The following LINGO2 variants were observed in gnomAD, a reference collection of about 807,000 sequenced individuals.
The protein encoded by LINGO2 is leucine-rich repeat and immunoglobulin-like domain-containing nogo receptor-interacting protein 2.
Under a neutral mutation model 30.6 loss-of-function variants are expected in LINGO2, and 14 were observed. The observed-to-expected ratio is 0.46, with a 90% confidence interval of 0.30 to 0.72. LINGO2 has a LOEUF of 0.72. LINGO2 is among the 30% of genes least tolerant of loss of function. LINGO2 has a pLI of 0.07. For missense variants in LINGO2, 729 were observed against 751.7 expected, an observed-to-expected ratio of 0.97 and a Z score of 0.35; for synonymous variants, 317 against 288.5, an observed-to-expected ratio of 1.10 and a Z score of -1.00.
intron 3 of LINGO2, among the ~76,000 whole-genome samples, chr9:28,299,303 T>C (rs1434836778): frequency 1.3e-5 from 2 of 152,126 alleles, no homozygotes; most frequent in East Asian, 1.9e-4. Context: ...AATATAATAA[T>C]CAAGAATGTA....
chr9:28,895,381 CA>C, the LINGO2 span, among the ~76,000 whole-genome samples: 1 of 152,078 alleles, frequency 6.6e-6, no homozygotes, highest in African/African-American at 2.4e-5. Context: ...CAAAAGATTG[CA>C]AAAACTGCAA....
At chr9:29,155,204 A>T in the LINGO2 span, among the ~76,000 whole-genome samples, 10 of 152,268 alleles carry the variant, frequency 6.6e-5, no homozygotes, top group Non-Finnish European at 1.3e-4. Flanking sequence ...TAAGGTTTTC[A>T]CATTGCTCTT....
the LINGO2 span, among the ~76,000 whole-genome samples, chr9:29,201,221 T>C: frequency 6.6e-6 from 1 of 152,142 alleles, no homozygotes; most frequent in African/African-American, 2.4e-5. Flanking sequence ...TTGTTTTGCA[T>C]AGATTTGCCT....
intron 4 of LINGO2, among the ~76,000 whole-genome samples, chr9:28,270,841 A>T (rs539998039): frequency 6.6e-6 from 1 of 152,210 alleles, no homozygotes; most frequent in African/African-American, 2.4e-5. Context: ...AAAACTCATG[A>T]GTTTCTTCTA....
intron 4 of LINGO2, among the ~76,000 whole-genome samples, chr9:28,096,388 A>T (rs1257495602): frequency 6.6e-6 from 1 of 152,118 alleles, no homozygotes; most frequent in East Asian, 1.9e-4. Context: ...TTTATGGTAA[A>T]TTTTAGCTTA....
Position 27,992,762 on chromosome 9 carries a change from T to C in LINGO2, c.-36+19593A>G, listed in dbSNP as rs183127967. 2.5e-3 allele frequency among the ~76,000 whole-genome samples: 387 copies of C among 151,910 alleles called. 1 individual carries two copies. The highest frequency in any genetic ancestry group is 8.9e-3 in the African/African-American group (368 of 41,342). On this transcript the variant is annotated intron_variant, in intron 5 of 5. Transcript: ENST00000379992. ...TCTCTTTTTTCCTTCTCTTTATTTTTGTAATAAATGAAAGTTTGGTGAGGG... is the reference window on the plus strand; with the variant it reads ...TCTCTTTTTTCCTTCTCTTTATTTTCGTAATAAATGAAAGTTTGGTGAGGG...
At chr9:28,577,421 C>T (rs575700284) in intron 1 of LINGO2, among the ~76,000 whole-genome samples, 1 of 152,074 alleles carries the variant, frequency 6.6e-6, no homozygotes, top group Non-Finnish European at 1.5e-5. Flanking sequence ...CCCACGAGTA[C>T]CATTTTCCAC....
At chr9:28,045,896 T>A (rs919462115) in intron 4 of LINGO2, among the ~76,000 whole-genome samples, 1 of 152,176 alleles carries the variant, frequency 6.6e-6, no homozygotes, top group Admixed American at 6.5e-5. Context: ...ACCCACCTCC[T>A]GAGGATTTCA....
chr9:28,245,776 G>C lies in LINGO2; in HGVS notation c.-87+49432C>G, dbSNP rs140154190. On this transcript the variant is annotated intron_variant, in intron 4 of 5. Transcript: ENST00000379992. ...TCTTCAAGGAGAACTACAAACCACT[G>C]CTCAAGGCAATAAGACAGGACACAA... Among the ~76,000 whole-genome samples the C allele has an allele frequency of 6.3e-3, 952 of 152,200 alleles. 15 individuals are homozygous for C. Among genetic ancestry groups the C allele is most frequent in the African/African-American group, 0.021 (883 of 41,534 alleles).
the LINGO2 span, among the ~76,000 whole-genome samples, chr9:29,005,131 G>A: frequency 6.6e-6 from 1 of 151,840 alleles, no homozygotes; most frequent in African/African-American, 2.4e-5. Context: ...AAGTTTTATT[G>A]CCAATATAAA....
the LINGO2 span, among the ~76,000 whole-genome samples, chr9:29,177,909 C>T: frequency 6.6e-6 from 1 of 152,044 alleles, no homozygotes; most frequent in Non-Finnish European, 1.5e-5. Context: ...CCTTCATAAT[C>T]ATATCCTTTT....
chr9:28,897,533 T>C, the LINGO2 span, among the ~76,000 whole-genome samples: 4 of 152,110 alleles, frequency 2.6e-5, no homozygotes, highest in Admixed American at 2.0e-4. Context: ...GTATGTTTTG[T>C]TGTTGTTGTT....
chr9:28,036,653 C>G (rs1196291853), intron 4 of LINGO2, among the ~76,000 whole-genome samples: 1 of 152,166 alleles, frequency 6.6e-6, no homozygotes, highest in Non-Finnish European at 1.5e-5. Context: ...AAGATTGGTG[C>G]AACCTAACCT....
chr9:28,263,239 A>G (rs1393109206), intron 4 of LINGO2, among the ~76,000 whole-genome samples: 1 of 151,996 alleles, frequency 6.6e-6, no homozygotes, highest in Non-Finnish European at 1.5e-5. Flanking sequence ...TCTTTCCTCT[A>G]GATCCTCTTT....
intron 5 of LINGO2, among the ~76,000 whole-genome samples, chr9:27,981,525 C>T (rs186166176): frequency 1.0e-4 from 5 of 50,108 alleles, no homozygotes; most frequent in East Asian, 8.3e-4. Flanking sequence ...GGATAAATGA[C>T]GAGGATGGCA....
intron 1 of LINGO2, among the ~76,000 whole-genome samples, chr9:28,590,331 T>C: frequency 6.6e-6 from 1 of 152,024 alleles, no homozygotes; most frequent in Non-Finnish European, 1.5e-5. Context: ...AAAGAGCTTC[T>C]GCACAGCAAA....
At chr9:28,609,159 T>G (rs1454048893) in intron 1 of LINGO2, among the ~76,000 whole-genome samples, 1 of 151,456 alleles carries the variant, frequency 6.6e-6, no homozygotes, top group East Asian at 1.9e-4. Context: ...CTAAAGAGTT[T>G]TTTTTTTTTT....
At chr9:29,172,771 G>C in the LINGO2 span, among the ~76,000 whole-genome samples, 1 of 151,534 alleles carries the variant, frequency 6.6e-6, no homozygotes, top group African/African-American at 2.4e-5. Flanking sequence ...AAAAATAAAA[G>C]ATCCATAGAG....
At chr9:28,376,111 C>G (rs551661887) in intron 2 of LINGO2, among the ~76,000 whole-genome samples, 6 of 143,658 alleles carry the variant, frequency 4.2e-5, no homozygotes, top group South Asian at 2.2e-4. Context: ...TTGTAATAAA[C>G]GGACAAGTGC....
Sources: gnomAD v4.1 joint callset for allele counts (sites outside exome capture counted in the v4.1 genomes callset) on GRCh38, gnomAD v4.1.1 for gene constraint, MANE v1.5 for transcripts, NCBI Gene and HGNC (gene_info 2026-07-23, HGNC 2026-07-21) for gene names.